The following KAZN variants were observed in gnomAD, a reference collection of about 807,000 sequenced individuals.
KAZN encodes kazrin.
Under a neutral mutation model 87.4 loss-of-function variants are expected in KAZN, and 40 were observed. The ratio of observed to expected loss-of-function variants is 0.46; its 90% CI spans 0.36 to 0.60. KAZN has a LOEUF of 0.60. Among genes scored for constraint, KAZN ranks in the 20% least tolerant of loss-of-function variants. The pLI is 0.00. For synonymous variants in KAZN, 466 were observed against 458.3 expected, an observed-to-expected ratio of 1.02 and a Z score of -0.22; for missense variants, 898 against 1,073.9, an observed-to-expected ratio of 0.84 and a Z score of 2.29.
At chr1:14,609,032 G>T (rs975922190) in intron 1 of KAZN, among the ~76,000 whole-genome samples, 1 of 152,056 alleles carries the variant, frequency 6.6e-6, no homozygotes, top group Admixed American at 6.6e-5. Flanking sequence ...TTTGATACTG[G>T]GCCTGGAGAG....
chr1:14,724,913 G>A (rs1485783656), intron 1 of KAZN, among the ~76,000 whole-genome samples: 7 of 152,156 alleles, frequency 4.6e-5, no homozygotes, highest in East Asian at 3.9e-4. Context: ...GTGCTACTGC[G>A]TGCACCTCCC....
At chr1:14,442,263 A>G (rs568600119) in intron 2 of KAZN, among the ~76,000 whole-genome samples, 30 of 152,366 alleles carry the variant, frequency 2.0e-4, no homozygotes, top group African/African-American at 6.3e-4. Context: ...TTGGCAATAT[A>G]CTTATACTTT....
At chr1:14,368,702 G>C (rs546854982) in intron 2 of KAZN, among the ~76,000 whole-genome samples, 1 of 152,114 alleles carries the variant, frequency 6.6e-6, no homozygotes, top group Admixed American at 6.6e-5. Flanking sequence ...CCTGGACTAC[G>C]ACCATGCACC....
intron 2 of KAZN, among the ~76,000 whole-genome samples, chr1:14,469,639 G>A (rs1277733284): frequency 6.6e-6 from 1 of 152,128 alleles, no homozygotes; most frequent in Non-Finnish European, 1.5e-5. Flanking sequence ...GTTCCAGGAT[G>A]GCAATAATGA....
intron 1 of KAZN, among the ~76,000 whole-genome samples, chr1:14,156,900 G>T (rs1474911742): frequency 1.4e-5 from 2 of 143,468 alleles, no homozygotes; most frequent in Non-Finnish European, 3.1e-5. Context: ...TGGTTGTTTT[G>T]TGGTCTTTTG....
chr1:14,601,704 TC>T (rs1332065484), intron 1 of KAZN, among the ~76,000 whole-genome samples: 3 of 152,230 alleles, frequency 2.0e-5, no homozygotes, highest in Non-Finnish European at 2.9e-5. Flanking sequence ...TGACTGTTCT[TC>T]CAAATTAGTC....
At chr1:14,850,952 G>C (rs1415787856) in intron 1 of KAZN, among the ~76,000 whole-genome samples, 1 of 152,192 alleles carries the variant, frequency 6.6e-6, no homozygotes, top group Non-Finnish European at 1.5e-5. Flanking sequence ...CCTGCTCACA[G>C]TACCTGAGAG....
chr1:15,050,050 G>T lies in KAZN; in HGVS notation c.726+5891G>T, dbSNP rs963384697. Among the ~76,000 whole-genome samples the T allele has an allele frequency of 9.0e-4, 69 of 76,380 alleles. 2 individuals carry two copies. The highest frequency in any genetic ancestry group is 1.2e-3 in the Non-Finnish European group (53 of 42,408). 50.1% of individuals were successfully genotyped at this position (76,380 alleles called of 152,430 possible). On this transcript the variant is annotated intron_variant, in intron 4 of 14. Transcript: ENST00000376030. ...GTAGGGTAGGGTAGGGTAGGGTAGGGTAGGGTAGGGTAGGGTAGAGTAGAG... is the reference window on the plus strand; with the variant it reads ...GTAGGGTAGGGTAGGGTAGGGTAGGTTAGGGTAGGGTAGGGTAGAGTAGAG...
Position 14,856,204 on chromosome 1 carries a change from G to A in KAZN, c.227-104480G>A, listed in dbSNP as rs1463132406. ...GGGAGGATAATGGGCATAGAAATTG[G>A]GGAGGGGATGAAAAGAGGGGAAGGG... On this transcript the variant is annotated intron_variant, in intron 1 of 14. Transcript: ENST00000376030. The surrounding 1 kb of genome is among the most constrained non-coding windows in gnomAD (Gnocchi z 5.2). Among the ~76,000 whole-genome samples, 1 of 152,148 alleles carries A rather than the reference G, an allele frequency of 6.6e-6. No homozygotes were observed. The highest frequency in any genetic ancestry group is 1.5e-5 in the Non-Finnish European group (1 of 68,034).
chr1:14,798,115 C>T (rs1242581979), intron 1 of KAZN, among the ~76,000 whole-genome samples: 6 of 152,274 alleles, frequency 3.9e-5, no homozygotes, highest in Admixed American at 1.3e-4. Flanking sequence ...TCACGCATGA[C>T]ACCTCTGGGC....
chr1:15,094,203 A>C lies in KAZN; in HGVS notation c.1246A>C (p.Thr416Pro). The C allele has an allele frequency of 6.2e-7, 1 of 1,613,530 alleles. No individual in the cohort carries two copies. Among genetic ancestry groups the C allele is most frequent in the Admixed American group, 1.7e-5 (1 of 60,008 alleles). Reference protein sequence around the residue: ...FDDSDSQCSPTRQSLSLSEGE... With the variant: ...FDDSDSQCSPPRQSLSLSEGE... ...AGACTCGGACAGCCAGTGCAGCCCC[A>C]CGCGGCAGAGCCTCAGCCTGTCGGA... The change falls in exon 9 of 15, where the codon ACG becomes CCG. Residue 416 changes from threonine (T) to proline (P), a missense_variant. Thr to Pro is a conservative substitution (Grantham distance 38). Transcript: ENST00000376030. The surrounding 1 kb of genome is among the most constrained non-coding windows in gnomAD (Gnocchi z 4.5).
chr1:14,319,251 A>G (rs1655884104), intron 2 of KAZN, among the ~76,000 whole-genome samples: 1 of 151,930 alleles, frequency 6.6e-6, no homozygotes, highest in South Asian at 2.1e-4. Context: ...GTTCCAGAGA[A>G]GCCTTTACCC....
At chr1:14,801,070 G>A (rs74874137) in intron 1 of KAZN, among the ~76,000 whole-genome samples, 7,591 of 151,270 alleles carry the variant, frequency 0.05, 251 homozygotes, top group South Asian at 0.072. Flanking sequence ...AAAGAAATAC[G>A]TGGGAGAAAA....
intron 2 of KAZN, among the ~76,000 whole-genome samples, chr1:14,364,073 G>C (rs916873963): frequency 1.3e-5 from 2 of 151,870 alleles, no homozygotes; most frequent in Admixed American, 1.3e-4. Flanking sequence ...TGTGGGATGT[G>C]GTTTAGGAAC....
At chr1:14,815,769 G>A (rs1490834544) in intron 1 of KAZN, among the ~76,000 whole-genome samples, 1 of 152,164 alleles carries the variant, frequency 6.6e-6, no homozygotes, top group Non-Finnish European at 1.5e-5. Context: ...GAATTGCCTT[G>A]CAGAGGCTGA....
chr1:14,296,651 T>C, intron 2 of KAZN, among the ~76,000 whole-genome samples: 1 of 149,130 alleles, frequency 6.7e-6, no homozygotes, highest in Admixed American at 6.7e-5. Context: ...TTTTTTTTTT[T>C]TTGAGACAAA....
chr1:14,970,102 T>C (rs1490163271), intron 2 of KAZN, among the ~76,000 whole-genome samples: 2 of 152,188 alleles, frequency 1.3e-5, no homozygotes, highest in Non-Finnish European at 2.9e-5. Context: ...GCATGAGCCA[T>C]GGTGCCTGGC....
At chr1:14,968,973 G>C (rs1664743644) in intron 2 of KAZN, among the ~76,000 whole-genome samples, 1 of 152,190 alleles carries the variant, frequency 6.6e-6, no homozygotes, top group African/African-American at 2.4e-5. Context: ...GCCTGTAGAT[G>C]AGAGTCTATC....
chr1:15,073,822 G>T (rs771645824), intron 8 of KAZN, among the ~76,000 whole-genome samples: 9 of 152,214 alleles, frequency 5.9e-5, no homozygotes, highest in Non-Finnish European at 1.2e-4. Context: ...TCTGGGGCCA[G>T]TGATATCCCA....
Sources: allele counts gnomAD v4.1 joint callset (sites outside exome capture counted in the v4.1 genomes callset), GRCh38; gene constraint gnomAD v4.1.1; non-coding constraint Gnocchi (gnomAD v3.1); transcripts MANE v1.5; gene names NCBI Gene and HGNC (gene_info 2026-07-23, HGNC 2026-07-21).